DTNB: variants seen among roughly 807,000 people sequenced by gnomAD.
DTNB encodes the protein DTN-B.
A neutral mutation model predicts 90.7 loss-of-function variants in DTNB; 63 were observed. The ratio of observed to expected loss-of-function variants is 0.69; its 90% CI spans 0.57 to 0.86. The LOEUF (loss-of-function observed/expected upper bound fraction) is 0.86, where lower values mean the gene tolerates loss of function less well. Ranked by LOEUF, DTNB falls within the 40% of genes least tolerant of loss-of-function variation. The probability of loss-of-function intolerance (pLI) is 0.00; values close to 1 mark genes in which losing one functional copy is unlikely to be tolerated. For missense variants in DTNB, 744 were observed against 807.1 expected (o/e 0.92, Z 0.95); for synonymous variants, 277 against 286.7 (o/e 0.97, Z 0.34).
At chr2:25,489,489 T>A (rs1302392510) in intron 9 of DTNB, among the ~76,000 whole-genome samples, 1 of 152,046 alleles carries the variant, frequency 6.6e-6, no homozygotes, top group Non-Finnish European at 1.5e-5. Context: ...GATTATCTCA[T>A]CCCATAAAGA....
chr2:25,526,378 TATATATA>T (rs2077112810), intron 9 of DTNB, among the ~76,000 whole-genome samples: 1 of 51,242 alleles, frequency 2.0e-5, no homozygotes, highest in African/African-American at 1.2e-4. Flanking sequence ...TATATATATA[TATATATA>T]TATATATATA....
chr2:25,387,483 A>C lies in DTNB; in HGVS notation c.1736-105T>G. 3.7e-6 allele frequency: 4 copies of C among 1,068,834 alleles called. No homozygotes were observed. Among genetic ancestry groups the C allele is most frequent in the Non-Finnish European group, 5.5e-6 (4 of 726,344 alleles). 66.2% of individuals were successfully genotyped at this position (1,068,834 alleles called of 1,614,324 possible). On this transcript the variant is annotated intron_variant, in intron 17 of 20. Coordinates refer to ENST00000406818, the MANE Select transcript of DTNB (RefSeq NM_021907.5). This position sits in a 1 kb window ranked among gnomAD's most constrained non-coding sequence, Gnocchi z 4.5. ...GCCAGGCCCGAGAACACAGGTGTGG[A>C]ACACCTAAGGGGAGATGGGGCCACA...
At chr2:25,607,085 T>C in intron 5 of DTNB, 151 bp downstream of exon 5, 2 of 679,058 alleles carry the variant, frequency 2.9e-6, no homozygotes, top group Non-Finnish European at 4.7e-6. Context: ...GTAGGTGGCA[T>C]AACTCACCTA....
chr2:25,582,738 G>C lies in DTNB; in HGVS notation c.604-1912C>G, dbSNP rs571608811. Among the ~76,000 whole-genome samples the C allele has an allele frequency of 5.3e-5, 8 of 152,262 alleles. No individual in the cohort carries two copies. In the South Asian group the frequency reaches 1.7e-3, roughly 32 times the overall value. ...CATGAGCACTGATGGTGAAGCATGA[G>C]AAGTACCTACCCAAATAGGCTAAAT... On this transcript the variant is annotated intron_variant, in intron 6 of 20. Coordinates refer to ENST00000406818, the MANE Select transcript of DTNB (RefSeq NM_021907.5).
intron 16 of DTNB, among the ~76,000 whole-genome samples, chr2:25,410,294 TA>T (rs139546515): frequency 0.017 from 2,606 of 152,128 alleles, 74 homozygotes; most frequent in African/African-American, 0.06. Flanking sequence ...AGGAAGTAGG[TA>T]AGGAAATCTC....
chr2:25,586,285 C>T (rs1035273911), intron 6 of DTNB, among the ~76,000 whole-genome samples: 19 of 151,428 alleles, frequency 1.3e-4, no homozygotes, highest in Admixed American at 1.1e-3. Flanking sequence ...CTGAGGCAGG[C>T]GGATCACTTG....
At chr2:25,393,805 A>G (rs2041764897) in intron 16 of DTNB, among the ~76,000 whole-genome samples, 2 of 152,216 alleles carry the variant, frequency 1.3e-5, no homozygotes, top group Non-Finnish European at 2.9e-5. Context: ...AATATTGTGA[A>G]AATAATCATA....
At chr2:25,485,748 C>T (rs553245097) in intron 9 of DTNB, among the ~76,000 whole-genome samples, 1 of 152,150 alleles carries the variant, frequency 6.6e-6, no homozygotes, top group Admixed American at 6.5e-5. Flanking sequence ...TGAAAGCCAA[C>T]AGCTCAGATG....
intron 3 of DTNB, among the ~76,000 whole-genome samples, chr2:25,632,760 C>A (rs147804774): frequency 9.8e-5 from 15 of 152,290 alleles, no homozygotes; most frequent in Admixed American, 9.8e-4. Flanking sequence ...AAATTCCTTT[C>A]TTTTTAAATC....
At chr2:25,395,333 T>C (rs185900579) in intron 16 of DTNB, among the ~76,000 whole-genome samples, 16 of 152,148 alleles carry the variant, frequency 1.1e-4, no homozygotes, top group African/African-American at 3.9e-4. Context: ...CTAACAAACT[T>C]ATTCATGTAA....
At chr2:25,558,190 A>T in intron 8 of DTNB, 1 of 984,112 alleles carries the variant, frequency 1.0e-6, no homozygotes, top group Non-Finnish European at 1.2e-6. Context: ...TACAACATAT[A>T]ACACACATGG....
At chr2:25,426,876 T>C (rs1350604261) in intron 15 of DTNB, among the ~76,000 whole-genome samples, 1 of 152,186 alleles carries the variant, frequency 6.6e-6, no homozygotes, top group Non-Finnish European at 1.5e-5. Context: ...TGAAAACTTG[T>C]CTTAACAGAA....
chr2:25,633,862 C>T (rs2076371038), intron 3 of DTNB, among the ~76,000 whole-genome samples: 1 of 151,034 alleles, frequency 6.6e-6, no homozygotes, highest in African/African-American at 2.4e-5. Context: ...TACCCGGCCG[C>T]GACCCCGTCT....
chr2:25,400,840 TA>T (rs2043527999), intron 16 of DTNB, among the ~76,000 whole-genome samples: 1 of 152,200 alleles, frequency 6.6e-6, no homozygotes, highest in Non-Finnish European at 1.5e-5. Flanking sequence ...GTCCCTTGTA[TA>T]ACAGTTGGAA....
chr2:25,538,909 T>C (rs1241398841), intron 8 of DTNB, among the ~76,000 whole-genome samples: 1 of 152,218 alleles, frequency 6.6e-6, no homozygotes, highest in Non-Finnish European at 1.5e-5. Context: ...ATAATCACTA[T>C]CCTGGATTTT....
chr2:25,541,783 G>T (rs2081316272), intron 8 of DTNB, among the ~76,000 whole-genome samples: 1 of 152,122 alleles, frequency 6.6e-6, no homozygotes. Flanking sequence ...CCCATAAGTG[G>T]AATTGCTGGA....
intron 9 of DTNB, among the ~76,000 whole-genome samples, chr2:25,517,373 T>C (rs556567459): frequency 2.4e-4 from 37 of 152,294 alleles, no homozygotes; most frequent in Admixed American, 3.3e-4. Flanking sequence ...GGTTGCAAAA[T>C]TGTATAAATT....
intron 1 of DTNB, among the ~76,000 whole-genome samples, chr2:25,670,569 C>G (rs188117325): frequency 2.4e-4 from 36 of 152,302 alleles, no homozygotes; most frequent in African/African-American, 8.2e-4. Flanking sequence ...CACACAGTCA[C>G]ACAGAGTGTG....
intron 9 of DTNB, among the ~76,000 whole-genome samples, chr2:25,512,116 C>T (rs1269927952): frequency 6.6e-6 from 1 of 152,170 alleles, no homozygotes; most frequent in Non-Finnish European, 1.5e-5. Context: ...AAAAGGGCCA[C>T]TTTACACCAA....
Sources: allele counts gnomAD v4.1 joint callset (sites outside exome capture counted in the v4.1 genomes callset), GRCh38; gene constraint gnomAD v4.1.1; non-coding constraint Gnocchi (gnomAD v3.1); transcripts MANE v1.5; gene names NCBI Gene and HGNC (gene_info 2026-07-23, HGNC 2026-07-21).